PCDHGA4: variants seen among roughly 807,000 people sequenced by gnomAD.
The protein encoded by PCDHGA4 is protocadherin gamma subfamily A, 4.
Under a neutral mutation model 54.6 loss-of-function variants are expected in PCDHGA4, and 38 were observed. The ratio of observed to expected loss-of-function variants is 0.70; its 90% CI spans 0.54 to 0.91. PCDHGA4 has a LOEUF of 0.91. PCDHGA4 is among the 40% of genes least tolerant of loss of function. The probability of loss-of-function intolerance (pLI) is 0.00; values close to 1 mark genes in which losing one functional copy is unlikely to be tolerated. For synonymous variants in PCDHGA4, 511 were observed against 512.9 expected (o/e 1.00, Z 0.05); for missense variants, 1,298 against 1,220.9 (o/e 1.06, Z -0.94).
Position 141,489,752 on chromosome 5 carries a change from C to G in PCDHGA4, c.2515-5055C>G. ...GGCACCAATACTGTGAGCTTTTACA[C>G]TCTAAGCCCCAACAGCCACTTCTCT... On this transcript the variant is annotated intron_variant, in intron 1 of 3. Coordinates refer to ENST00000571252, the MANE Select transcript of PCDHGA4 (RefSeq NM_018917.4). This position sits in a 1 kb window ranked among gnomAD's most constrained non-coding sequence, Gnocchi z 4.5. The G allele has an allele frequency of 6.2e-7, 1 of 1,614,136 alleles. No individual in the cohort carries two copies. The highest frequency in any genetic ancestry group is 8.5e-7 in the Non-Finnish European group (1 of 1,179,972).
At chr5:141,375,035 G>A (rs541605714) in intron 1 of PCDHGA4, 1 of 1,614,008 alleles carries the variant, frequency 6.2e-7, no homozygotes, top group East Asian at 2.2e-5. Flanking sequence ...TTATGAGCTG[G>A]GTGTTGAAGC....
intron 1 of PCDHGA4, chr5:141,395,122 T>C (rs72790033): frequency 0.028 from 44,899 of 1,614,158 alleles, 731 homozygotes; most frequent in Non-Finnish European, 0.032. Flanking sequence ...CACCTGATCT[T>C]TCCCCAGCCC....
intron 1 of PCDHGA4, chr5:141,419,183 A>G (rs1453963573): frequency 1.9e-6 from 3 of 1,613,958 alleles, no homozygotes; most frequent in Non-Finnish European, 1.7e-6. Context: ...AACCCTGCAC[A>G]TTACTGACGT....
At chr5:141,398,632 A>G (rs1589336934) in intron 1 of PCDHGA4, 7 of 1,613,946 alleles carry the variant, frequency 4.3e-6, no homozygotes, top group Non-Finnish European at 5.1e-6. Context: ...CTCTCTGCAG[A>G]AGTATAAACT....
At chr5:141,419,124 T>A in intron 1 of PCDHGA4, 1 of 1,613,798 alleles carries the variant, frequency 6.2e-7, no homozygotes, top group Non-Finnish European at 8.5e-7. Context: ...AACGTCACCA[T>A]CGCAGCCACA....
At chr5:141,394,199 A>T (rs1353569032) in intron 1 of PCDHGA4, 1 of 1,613,840 alleles carries the variant, frequency 6.2e-7, no homozygotes, top group Non-Finnish European at 8.5e-7. Context: ...CGTATATCCT[A>T]GAGAACAACC....
chr5:141,357,981 G>C (rs1413187793), intron 1 of PCDHGA4, among the ~76,000 whole-genome samples: 1 of 152,130 alleles, frequency 6.6e-6, no homozygotes, highest in Non-Finnish European at 1.5e-5. Context: ...CCTGAGCTCA[G>C]GAGTTCGAGA....
At chr5:141,427,958 G>A (rs1266312663) in intron 1 of PCDHGA4, 3 of 1,588,290 alleles carry the variant, frequency 1.9e-6, no homozygotes, top group Admixed American at 1.7e-5. Context: ...ACAATGTGCC[G>A]CGGGTGCTGT....
chr5:141,383,695 G>T (rs373055594), intron 1 of PCDHGA4: 1 of 1,613,974 alleles, frequency 6.2e-7, no homozygotes, highest in Non-Finnish European at 8.5e-7. Context: ...CACGGTACAT[G>T]CTATCGACCT....
rs547778963 is a variant in PCDHGA4 at position 141,357,070 on chromosome 5, G to A, written c.1963G>A (p.Gly655Ser). 1.9e-6 allele frequency: 3 copies of A among 1,613,960 alleles called. No individual in the cohort carries two copies. The highest frequency in any genetic ancestry group is 3.3e-5 in the Admixed American group (2 of 60,028). Residue 655 changes from glycine to serine, a missense_variant, in exon 1 of 4, where the codon GGC (glycine) becomes AGC (serine). By Grantham distance (56) the Gly-to-Ser change is moderately conservative. Coordinates refer to ENST00000571252, the MANE Select transcript of PCDHGA4 (RefSeq NM_018917.4). The part of the protein sequence containing the change: ...PGLFAVGLHT[G>S]EVRTARALLD... Reference sequence around the variant, plus strand: ...ACTATTTGCAGTGGGGCTGCACACAGGCGAGGTGCGCACCGCACGGGCCCT... The same window carrying A: ...ACTATTTGCAGTGGGGCTGCACACAAGCGAGGTGCGCACCGCACGGGCCCT...
At position 141,487,665 on chromosome 5, in the gene PCDHGA4, G is replaced by C. The variant is rs373971935; in HGVS notation, c.2515-7142G>C. 2.1e-5 allele frequency: 34 copies of C among 1,612,724 alleles called. No homozygotes were observed. In the South Asian group the frequency reaches 3.4e-4, roughly 16 times the overall value. ...ATGCTTGAGGGTTATTCTGATCCAG[G>C]CATATGGCTAGGCCATGTCCTAGAG... On this transcript the variant is annotated intron_variant, in intron 1 of 3. Transcript: ENST00000571252. The surrounding 1 kb of genome is among the most constrained non-coding windows in gnomAD (Gnocchi z 5.0).
At chr5:141,473,039 A>G (rs1593411714) in intron 1 of PCDHGA4, among the ~76,000 whole-genome samples, 1 of 152,016 alleles carries the variant, frequency 6.6e-6, no homozygotes, top group East Asian at 1.9e-4. Context: ...GGAAGGAAAG[A>G]AAGAAAGAAG....
intron 1 of PCDHGA4, chr5:141,390,890 G>C (rs1043821773): frequency 5.2e-5 from 8 of 152,592 alleles, no homozygotes; most frequent in African/African-American, 1.9e-4. Flanking sequence ...GTGTGTGTGA[G>C]AGAGATCCTT....
In PCDHGA4 at chr5:141,360,206, T is replaced by C. The variant is rs370543989; in HGVS notation, c.2514+2585T>C. The C allele has an allele frequency of 1.1e-5, 17 of 1,612,996 alleles. No homozygotes were observed. The highest frequency in any genetic ancestry group is 1.4e-5 in the Non-Finnish European group (16 of 1,179,490). On this transcript the variant is annotated intron_variant, in intron 1 of 3. Transcript: ENST00000571252. ...GTACTGTTGCCCTTCCTGTTGTCTT[T>C]GTTCCCCGGGGCTCTCCCAGTCCAG...
intron 1 of PCDHGA4, among the ~76,000 whole-genome samples, chr5:141,445,620 C>T (rs561235315): frequency 2.0e-5 from 3 of 151,966 alleles, no homozygotes; most frequent in African/African-American, 4.8e-5. Context: ...TTCTTTTTTT[C>T]GGAAAGTGAT....
intron 1 of PCDHGA4, among the ~76,000 whole-genome samples, chr5:141,458,009 G>T (rs1039110082): frequency 2.6e-5 from 4 of 152,142 alleles, no homozygotes; most frequent in Non-Finnish European, 4.4e-5. Context: ...AAAATAACCG[G>T]TTTTTCCAAT....
Position 141,490,749 on chromosome 5 carries a change from C to T in PCDHGA4, c.2515-4058C>T, listed in dbSNP as rs777124697. 3.1e-6 allele frequency: 5 copies of T among 1,614,098 alleles called. No individual in the cohort carries two copies. The South Asian group carries it at 5.5e-5, about 18-fold the overall frequency. ...GAAATCAGGTTCAGGGAGCCCCAGC[C>T]TCCTCCTTTGTGTATGTCAACCCAG... On this transcript the variant is annotated intron_variant, in intron 1 of 3. Coordinates refer to ENST00000571252, the MANE Select transcript of PCDHGA4 (RefSeq NM_018917.4). The surrounding 1 kb of genome is among the most constrained non-coding windows in gnomAD (Gnocchi z 5.4).
At chr5:141,468,024 T>C (rs1386255481) in intron 1 of PCDHGA4, among the ~76,000 whole-genome samples, 1 of 152,046 alleles carries the variant, frequency 6.6e-6, no homozygotes, top group African/African-American at 2.4e-5. Flanking sequence ...TGAAGTAAAA[T>C]ACTTCATTTA....
intron 1 of PCDHGA4, among the ~76,000 whole-genome samples, chr5:141,456,917 C>G (rs1005360691): frequency 2.6e-5 from 4 of 152,032 alleles, no homozygotes; most frequent in Non-Finnish European, 5.9e-5. Context: ...GAGCCGAGAT[C>G]GCACCACTGC....
Sources: allele counts gnomAD v4.1 joint callset (sites outside exome capture counted in the v4.1 genomes callset), GRCh38; gene constraint gnomAD v4.1.1; non-coding constraint Gnocchi (gnomAD v3.1); transcripts MANE v1.5; gene names NCBI Gene and HGNC (gene_info 2026-07-23, HGNC 2026-07-21).